The following PRKCA variants were observed in gnomAD, a reference collection of about 807,000 sequenced individuals.
The protein encoded by PRKCA is protein kinase C alpha, also known as protein kinase C alpha type.
In PRKCA, 27 loss-of-function variants were observed where a neutral mutation model predicts 87.0. The ratio of observed to expected loss-of-function variants is 0.31; its 90% CI spans 0.23 to 0.43. The LOEUF is 0.43. Ranked by LOEUF, PRKCA falls within the 20% of genes least tolerant of loss-of-function variation. The probability of loss-of-function intolerance (pLI) is 1.00; values close to 1 mark genes in which losing one functional copy is unlikely to be tolerated. For synonymous variants in PRKCA, 329 were observed against 311.1 expected (o/e 1.06, Z -0.61); for missense variants, 518 against 852.3 (o/e 0.61, Z 4.88).
intron 6 of PRKCA, 47 bp downstream of exon 6, chr17:66,687,314 G>A (rs779034025): frequency 5.8e-6 from 9 of 1,555,106 alleles, no homozygotes; most frequent in East Asian, 2.3e-5. Context: ...ACACCATGCA[G>A]TTGCCCACCT....
intron 16 of PRKCA, among the ~76,000 whole-genome samples, chr17:66,790,019 G>A (rs899399307): frequency 8.5e-5 from 13 of 152,156 alleles, no homozygotes; most frequent in East Asian, 1.9e-4. Flanking sequence ...GCCTCTGCCC[G>A]GGGACTGCAG....
intron 3 of PRKCA, among the ~76,000 whole-genome samples, chr17:66,523,144 A>G (rs16959508): frequency 0.25 from 38,647 of 151,986 alleles, 6,085 homozygotes; most frequent in African/African-American, 0.43. Context: ...TTCTGGTCAC[A>G]CTGTCATTCT....
chr17:66,367,746 C>CT (rs2143514150), intron 2 of PRKCA, among the ~76,000 whole-genome samples: 1 of 152,252 alleles, frequency 6.6e-6, no homozygotes, highest in African/African-American at 2.4e-5. Flanking sequence ...TTTTTGCTGG[C>CT]TTTATGGTAT....
chr17:66,421,821 G>T lies in PRKCA; in HGVS notation c.206-74380G>T, dbSNP rs567036046. On this transcript the variant is annotated intron_variant, in intron 2 of 16. Coordinates refer to ENST00000413366, the MANE Select transcript of PRKCA (RefSeq NM_002737.3). ...GCCTCCCAAAGTGTTGGGATTACAGGTGTGAACCACCATGCCTGGCCTTGA... is the reference window on the plus strand; with the variant it reads ...GCCTCCCAAAGTGTTGGGATTACAGTTGTGAACCACCATGCCTGGCCTTGA... Among the ~76,000 whole-genome samples the T allele has an allele frequency of 4.9e-4, 75 of 152,070 alleles. No individual in the cohort carries two copies. In the South Asian group the frequency reaches 0.015, roughly 31 times the overall value.
intron 8 of PRKCA, among the ~76,000 whole-genome samples, chr17:66,707,239 C>A (rs1043988402): frequency 2.0e-5 from 3 of 152,194 alleles, no homozygotes; most frequent in Non-Finnish European, 4.4e-5. Flanking sequence ...GTTCTCTGGC[C>A]TCTTAAAATT....
intron 2 of PRKCA, among the ~76,000 whole-genome samples, chr17:66,359,163 GC>G (rs1567788927): frequency 6.6e-6 from 1 of 152,032 alleles, no homozygotes. Flanking sequence ...TTTGGGGAGA[GC>G]CAAGTAAATT....
chr17:66,442,362 A>AAGG (rs1421005434), intron 2 of PRKCA, among the ~76,000 whole-genome samples: 6 of 151,796 alleles, frequency 4.0e-5, no homozygotes, highest in African/African-American at 1.5e-4. Context: ...TGCCTGTAAC[A>AAGG]TCATGATGTT....
At chr17:66,337,480 C>G (rs972859071) in intron 2 of PRKCA, among the ~76,000 whole-genome samples, 1 of 152,114 alleles carries the variant, frequency 6.6e-6, no homozygotes, top group African/African-American at 2.4e-5. Flanking sequence ...GCCTCGACCT[C>G]TCAGGCTCAA....
chr17:66,338,301 T>A (rs749911478), intron 2 of PRKCA, among the ~76,000 whole-genome samples: 4 of 152,138 alleles, frequency 2.6e-5, no homozygotes, highest in Non-Finnish European at 5.9e-5. Context: ...GGCTCTAGAC[T>A]GAAGACTTCA....
At chr17:66,478,835 C>T (rs1915650161) in intron 2 of PRKCA, among the ~76,000 whole-genome samples, 1 of 152,108 alleles carries the variant, frequency 6.6e-6, no homozygotes, top group Non-Finnish European at 1.5e-5. Flanking sequence ...TAAATAGCCC[C>T]ACATCATGAT....
At chr17:66,728,772 G>C (rs2144187942) in intron 8 of PRKCA, among the ~76,000 whole-genome samples, 1 of 152,328 alleles carries the variant, frequency 6.6e-6, no homozygotes, top group East Asian at 1.9e-4. Flanking sequence ...TGACTGTGGT[G>C]GTGACTTGTC....
At chr17:66,441,739 CT>C (rs371236344) in intron 2 of PRKCA, among the ~76,000 whole-genome samples, 5 of 151,434 alleles carry the variant, frequency 3.3e-5, no homozygotes, top group African/African-American at 9.7e-5. Context: ...CAAAATAATA[CT>C]TTTTTTTTCA....
intron 2 of PRKCA, among the ~76,000 whole-genome samples, chr17:66,342,535 T>C (rs1002565426): frequency 6.6e-6 from 1 of 151,170 alleles, no homozygotes; most frequent in Non-Finnish European, 1.5e-5. Context: ...TCTGAACCTA[T>C]TTGAATGTAG....
At chr17:66,538,447 G>A (rs527505209) in intron 3 of PRKCA, among the ~76,000 whole-genome samples, 1 of 152,308 alleles carries the variant, frequency 6.6e-6, no homozygotes, top group South Asian at 2.1e-4. Flanking sequence ...GTGTTAGGAG[G>A]CTGTTGCGTT....
intron 8 of PRKCA, among the ~76,000 whole-genome samples, chr17:66,692,601 C>T (rs746285290): frequency 6.6e-6 from 1 of 152,186 alleles, no homozygotes; most frequent in Non-Finnish European, 1.5e-5. Flanking sequence ...CATCAGTTGG[C>T]ATCAGGTCCA....
chr17:66,650,823 A>G (rs1292342471), intron 5 of PRKCA, among the ~76,000 whole-genome samples: 2 of 152,196 alleles, frequency 1.3e-5, no homozygotes, highest in African/African-American at 4.8e-5. Flanking sequence ...TTGTTACAGA[A>G]TGAAGGAAAT....
At chr17:66,401,240 C>T (rs1044153844) in intron 2 of PRKCA, among the ~76,000 whole-genome samples, 2 of 152,176 alleles carry the variant, frequency 1.3e-5, no homozygotes, top group African/African-American at 4.8e-5. Context: ...AGCACTAAAC[C>T]AGGTCAGCTT....
At chr17:66,308,812 C>T (rs1372023526) in intron 2 of PRKCA, among the ~76,000 whole-genome samples, 2 of 152,138 alleles carry the variant, frequency 1.3e-5, no homozygotes, top group Admixed American at 6.5e-5. Context: ...GTTTTGGCTC[C>T]TACCGCAAAA....
intron 3 of PRKCA, among the ~76,000 whole-genome samples, chr17:66,592,509 C>T (rs1274683350): frequency 6.6e-6 from 1 of 152,166 alleles, no homozygotes; most frequent in East Asian, 1.9e-4. Context: ...AAAACTTCCT[C>T]CTTTGTTCTT....
Sources: allele counts gnomAD v4.1 joint callset (sites outside exome capture counted in the v4.1 genomes callset), GRCh38; gene constraint gnomAD v4.1.1; transcripts MANE v1.5; gene names NCBI Gene and HGNC (gene_info 2026-07-23, HGNC 2026-07-21).